The following LRP1B variants were observed in gnomAD, a reference collection of about 807,000 sequenced individuals.
LRP1B encodes low-density lipoprotein receptor-related protein 1B.
Under a neutral mutation model 556.6 loss-of-function variants are expected in LRP1B, and 217 were observed. The observed-to-expected ratio is 0.39, with a 90% CI of 0.35 to 0.44. LRP1B has a LOEUF of 0.44. Among genes scored for constraint, LRP1B ranks in the 20% least tolerant of loss-of-function variants. The pLI, the probability that LRP1B is intolerant of heterozygous loss-of-function variation, is 1.00. For missense variants in LRP1B, 5,053 were observed against 5,620.8 expected (o/e 0.90, Z 3.23); for synonymous variants, 2,047 against 1,865.8 (o/e 1.10, Z -2.50).
intron 2 of LRP1B, among the ~76,000 whole-genome samples, chr2:141,544,387 C>CTTCTTCTTCTTCTTCTTCTTCTT (rs1559131587): frequency 9.0e-5 from 4 of 44,530 alleles, no homozygotes; most frequent in African/African-American, 1.6e-4. Flanking sequence ...TTCTTCTCCT[C>CTTCTTCTTCTTCTTCTTCTTCTT]CTCCTCCTCC....
At chr2:140,978,548 A>G (rs1447026514) in intron 18 of LRP1B, among the ~76,000 whole-genome samples, 2 of 152,184 alleles carry the variant, frequency 1.3e-5, no homozygotes, top group Non-Finnish European at 2.9e-5. Context: ...AGTTGAATCT[A>G]TATTTATTTA....
At chr2:140,505,285 A>T (rs1458868261) in intron 53 of LRP1B, among the ~76,000 whole-genome samples, 1 of 152,196 alleles carries the variant, frequency 6.6e-6, no homozygotes, top group Non-Finnish European at 1.5e-5. Context: ...TCAAGGTCAC[A>T]TAGCTAGTAA....
chr2:141,250,614 C>T (rs912405935), intron 4 of LRP1B, among the ~76,000 whole-genome samples: 2 of 152,126 alleles, frequency 1.3e-5, no homozygotes, highest in African/African-American at 4.8e-5. Context: ...TAGTGAATGA[C>T]TACATCTGAG....
At chr2:141,641,518 C>T (rs1308099521) in intron 2 of LRP1B, among the ~76,000 whole-genome samples, 1 of 152,040 alleles carries the variant, frequency 6.6e-6, no homozygotes. Context: ...ATAAAGTTGA[C>T]TTTGAATTAA....
intron 3 of LRP1B, among the ~76,000 whole-genome samples, chr2:141,395,519 T>C (rs1327979109): frequency 6.6e-6 from 1 of 152,144 alleles, no homozygotes; most frequent in Non-Finnish European, 1.5e-5. Context: ...CACACAATGA[T>C]GAAATTGATT....
chr2:141,099,023 A>C (rs1234898664), intron 7 of LRP1B, among the ~76,000 whole-genome samples: 1 of 152,216 alleles, frequency 6.6e-6, no homozygotes, highest in Non-Finnish European at 1.5e-5. Flanking sequence ...GAAAAAATTA[A>C]GGATTATTTG....
intron 2 of LRP1B, among the ~76,000 whole-genome samples, chr2:141,701,215 G>GA (rs989873831): frequency 5.3e-5 from 8 of 151,780 alleles, no homozygotes; most frequent in African/African-American, 1.9e-4. Flanking sequence ...CTGTCCACAG[G>GA]AAAATGTCCA....
intron 7 of LRP1B, among the ~76,000 whole-genome samples, chr2:141,078,088 T>C (rs1699836197): frequency 6.6e-6 from 1 of 151,974 alleles, no homozygotes; most frequent in Admixed American, 6.6e-5. Flanking sequence ...ATTTTATAAA[T>C]ATTCATGGTT....
chr2:140,738,418 G>A (rs1192720864), intron 35 of LRP1B, among the ~76,000 whole-genome samples: 2 of 152,116 alleles, frequency 1.3e-5, no homozygotes, highest in African/African-American at 2.4e-5. Flanking sequence ...ACATGGGATG[G>A]TCTGTGGCAG....
At chr2:140,877,685 T>G (rs1240967107) in intron 25 of LRP1B, among the ~76,000 whole-genome samples, 1 of 152,154 alleles carries the variant, frequency 6.6e-6, no homozygotes. Flanking sequence ...CATTTGTGTC[T>G]TATCTACCTT....
chr2:140,429,601 C>T (rs1252528519), intron 66 of LRP1B, among the ~76,000 whole-genome samples: 1 of 152,146 alleles, frequency 6.6e-6, no homozygotes. Context: ...CACGTGCTCT[C>T]CCTGCTGATC....
At chr2:142,115,154 A>G (rs1486743524) in intron 1 of LRP1B, among the ~76,000 whole-genome samples, 1 of 151,946 alleles carries the variant, frequency 6.6e-6, no homozygotes, top group Non-Finnish European at 1.5e-5. Context: ...ACCTTATGAT[A>G]CTTAAGAGAG....
intron 3 of LRP1B, among the ~76,000 whole-genome samples, chr2:141,259,590 A>G (rs1412985219): frequency 3.3e-5 from 5 of 152,220 alleles, no homozygotes; most frequent in African/African-American, 1.2e-4. Flanking sequence ...GGGATGGCAC[A>G]AGCCCACAAT....
rs180739949 is a variant in LRP1B at position 140,403,430 on chromosome 2, C to T, written c.10415-17421G>A. Among the ~76,000 whole-genome samples the T allele has an allele frequency of 9.4e-3, 1,434 of 152,012 alleles. 10 individuals are homozygous for T. The highest frequency in any genetic ancestry group is 0.017 in the Admixed American group (267 of 15,280). On this transcript the variant is annotated intron_variant, in intron 66 of 90. Transcript: ENST00000389484. ...GAGAGATAGATGTCATGAATAATAA[C>T]CAACCAGAACTTCTGGAAATGAAAG...
At chr2:141,675,263 A>G (rs534242989) in intron 2 of LRP1B, among the ~76,000 whole-genome samples, 5 of 152,044 alleles carry the variant, frequency 3.3e-5, no homozygotes, top group Admixed American at 2.6e-4. Flanking sequence ...GTTTTTGGAA[A>G]TCACATCTTT....
At chr2:140,516,851 T>C (rs761452838) in intron 50 of LRP1B, 38 bp downstream of exon 50, 2 of 1,599,590 alleles carry the variant, frequency 1.3e-6, no homozygotes, top group African/African-American at 2.7e-5. Context: ...TAAGTAATAG[T>C]AAGGTTAACA....
chr2:141,048,430 T>C (rs186039426), intron 11 of LRP1B, among the ~76,000 whole-genome samples: 1 of 152,256 alleles, frequency 6.6e-6, no homozygotes, highest in Admixed American at 6.5e-5. Flanking sequence ...TGTATATGAC[T>C]TCATATATGT....
intron 27 of LRP1B, among the ~76,000 whole-genome samples, chr2:140,854,995 G>A (rs1692570550): frequency 6.6e-6 from 1 of 152,100 alleles, no homozygotes; most frequent in Non-Finnish European, 1.5e-5. Flanking sequence ...GGCAGACTGG[G>A]TTCACTGATA....
chr2:141,976,333 A>C (rs1308369442), intron 1 of LRP1B, among the ~76,000 whole-genome samples: 1 of 152,208 alleles, frequency 6.6e-6, no homozygotes, highest in Non-Finnish European at 1.5e-5. Flanking sequence ...CAGAATGCTA[A>C]ATTACATAAA....
Sources: allele counts gnomAD v4.1 joint callset (sites outside exome capture counted in the v4.1 genomes callset), GRCh38; gene constraint gnomAD v4.1.1; transcripts MANE v1.5; gene names NCBI Gene and HGNC (gene_info 2026-07-23, HGNC 2026-07-21).